Variants in GNAO1 observed in about 807,000 individuals in gnomAD.
GNAO1 encodes G protein subunit alpha o1, also known as guanine nucleotide-binding protein G(o) subunit alpha.
For missense variants in GNAO1, 166 were observed against 478.7 expected, an observed-to-expected ratio of 0.35 and a Z score of 6.10; for synonymous variants, 164 against 180.7, an observed-to-expected ratio of 0.91 and a Z score of 0.74.
intron 3 of GNAO1, among the ~76,000 whole-genome samples, chr16:56,278,338 G>A (rs2037082986): frequency 6.6e-6 from 1 of 152,202 alleles, no homozygotes. Context: ...GTGGGCAAAG[G>A]CCTCCCTGGC....
At chr16:56,235,025 T>G in intron 2 of GNAO1, 2 of 285,802 alleles carry the variant, frequency 7.0e-6, no homozygotes, top group South Asian at 6.9e-5. Flanking sequence ...CCTCGGGGAG[T>G]TTAAATAAGG....
chr16:56,320,442 C>T (rs2037559462), intron 3 of GNAO1, among the ~76,000 whole-genome samples: 1 of 152,212 alleles, frequency 6.6e-6, no homozygotes, highest in Non-Finnish European at 1.5e-5. Flanking sequence ...CAGGTGAGAA[C>T]ACTGAGCCTC....
intron 2 of GNAO1, among the ~76,000 whole-genome samples, chr16:56,247,604 TC>T (rs2036760971): frequency 6.6e-6 from 1 of 151,494 alleles, no homozygotes; most frequent in Non-Finnish European, 1.5e-5. Flanking sequence ...ACATAATAGG[TC>T]CTCAACAAAT....
At chr16:56,302,886 A>T (rs1341323214) in intron 3 of GNAO1, 1 of 152,226 alleles carries the variant, frequency 6.6e-6, no homozygotes, top group Non-Finnish European at 1.5e-5. Context: ...GCTGCTTTAT[A>T]ATTAATTGAG....
At chr16:56,308,631 G>T (rs1427765228) in intron 3 of GNAO1, among the ~76,000 whole-genome samples, 1 of 152,194 alleles carries the variant, frequency 6.6e-6, no homozygotes, top group African/African-American at 2.4e-5. Context: ...GCAAGAAGGG[G>T]TTTGAGGACT....
At chr16:56,297,590 GTGGGAATTT>G (rs1596849312) in intron 3 of GNAO1, among the ~76,000 whole-genome samples, 1 of 148,716 alleles carries the variant, frequency 6.7e-6, no homozygotes, top group East Asian at 2.0e-4. Flanking sequence ...TGTTTAAAAG[GTGGGAATTT>G]TTTGTTAAGT....
chr16:56,291,518 G>C (rs946702963), intron 3 of GNAO1, among the ~76,000 whole-genome samples: 7 of 152,060 alleles, frequency 4.6e-5, no homozygotes, highest in African/African-American at 1.7e-4. Context: ...TTAGATATGC[G>C]ATTTGCAAAT....
chr16:56,246,895 A>G (rs2036750271), intron 2 of GNAO1, among the ~76,000 whole-genome samples: 1 of 152,234 alleles, frequency 6.6e-6, no homozygotes, highest in Admixed American at 6.5e-5. Context: ...GAATTAATCA[A>G]GTAGGGCTCT....
Position 56,342,085 on chromosome 16 carries a change from T to C in GNAO1, c.723+5225T>C, listed in dbSNP as rs572793482. On this transcript the variant is annotated intron_variant, in intron 6 of 8. Coordinates refer to ENST00000262493, the MANE Select transcript of GNAO1 (RefSeq NM_020988.3). ...GGAGTTGAGTAGGGCTCAGCCTCCCTGGAAGCTCCCAGCCAGCTTCCTCTC... is the reference window on the plus strand; with the variant it reads ...GGAGTTGAGTAGGGCTCAGCCTCCCCGGAAGCTCCCAGCCAGCTTCCTCTC... 3.3e-5 allele frequency among the ~76,000 whole-genome samples: 5 copies of C among 152,308 alleles called. No individual in the cohort carries two copies. In the South Asian group the frequency reaches 1.0e-3, roughly 32 times the overall value.
chr16:56,202,109 G>A (rs1003500052), intron 2 of GNAO1, among the ~76,000 whole-genome samples: 2 of 152,146 alleles, frequency 1.3e-5, no homozygotes, highest in East Asian at 3.9e-4. Context: ...ACTGAGAAGG[G>A]GTGATCTGAG....
intron 2 of GNAO1, among the ~76,000 whole-genome samples, chr16:56,266,565 T>C (rs1427751070): frequency 6.6e-6 from 1 of 152,190 alleles, no homozygotes; most frequent in African/African-American, 2.4e-5. Context: ...CTGCACCAGA[T>C]GGAAGGAGGG....
At chr16:56,195,112 T>C (rs2036220962) in intron 2 of GNAO1, among the ~76,000 whole-genome samples, 1 of 151,106 alleles carries the variant, frequency 6.6e-6, no homozygotes, top group Non-Finnish European at 1.5e-5. Context: ...ACAGGACACC[T>C]TTTTCAAGAA....
chr16:56,303,889 C>T (rs533492965), intron 3 of GNAO1, among the ~76,000 whole-genome samples: 1 of 152,106 alleles, frequency 6.6e-6, no homozygotes, highest in African/African-American at 2.4e-5. Context: ...CTACCCAATG[C>T]GACACCCTCA....
At chr16:56,297,857 T>C (rs1208093209) in intron 3 of GNAO1, among the ~76,000 whole-genome samples, 1 of 152,010 alleles carries the variant, frequency 6.6e-6, no homozygotes, top group African/African-American at 2.4e-5. Flanking sequence ...CTTCTTTATG[T>C]AGAACTAGAC....
chr16:56,286,695 CTGTGTGTGTG>C (rs57968280), intron 3 of GNAO1, among the ~76,000 whole-genome samples: 5,074 of 144,972 alleles, frequency 0.035, 253 homozygotes, highest in African/African-American at 0.11. Context: ...TCTGTCGCCT[CTGTGTGTGTG>C]TGTGTGTGTG....
At chr16:56,198,340 GGTAGAAAGGAAGC>G in intron 2 of GNAO1, among the ~76,000 whole-genome samples, 1 of 152,294 alleles carries the variant, frequency 6.6e-6, no homozygotes, top group East Asian at 1.9e-4. Context: ...ACACAGCATT[GGTAGAAAGGAAGC>G]TGTCCAACAG....
intron 6 of GNAO1, among the ~76,000 whole-genome samples, chr16:56,342,109 T>C (rs2143679584): frequency 6.6e-6 from 1 of 152,324 alleles, no homozygotes; most frequent in East Asian, 1.9e-4. Context: ...CAGCTTCCTC[T>C]CTAGCCATAG....
At chr16:56,224,497 A>G (rs2036517412) in intron 2 of GNAO1, among the ~76,000 whole-genome samples, 1 of 152,090 alleles carries the variant, frequency 6.6e-6, no homozygotes, top group Non-Finnish European at 1.5e-5. Context: ...ATTTATTTTG[A>G]GGCAGAGTCT....
chr16:56,227,869 A>T (rs1345658004), intron 2 of GNAO1, among the ~76,000 whole-genome samples: 2 of 151,476 alleles, frequency 1.3e-5, no homozygotes, highest in African/African-American at 4.9e-5. Flanking sequence ...CTTGCTGGTG[A>T]TATGTTCAAT....
Sources: allele counts gnomAD v4.1 joint callset (sites outside exome capture counted in the v4.1 genomes callset), GRCh38; gene constraint gnomAD v4.1.1; transcripts MANE v1.5; gene names NCBI Gene and HGNC (gene_info 2026-07-23, HGNC 2026-07-21).